Variants in RRN3 observed in about 807,000 individuals in gnomAD.
The protein encoded by RRN3 is RNA polymerase I-specific transcription initiation factor RRN3.
In RRN3, 38 loss-of-function variants were observed where a neutral mutation model predicts 82.3. The observed-to-expected ratio is 0.46, with a 90% CI of 0.36 to 0.61. The LOEUF is 0.61. Among genes scored for constraint, RRN3 ranks in the 20% least tolerant of loss-of-function variants. RRN3 has a pLI of 0.00. For missense variants in RRN3, 726 were observed against 793.1 expected, an observed-to-expected ratio of 0.92 and a Z score of 1.02; for synonymous variants, 284 against 284.3, an observed-to-expected ratio of 1.00 and a Z score of 0.01.
At position 15,071,247 on chromosome 16, in the gene RRN3, A is replaced by G; in HGVS notation, c.1133T>C (p.Phe378Ser). 1.9e-6 allele frequency: 3 copies of G among 1,607,428 alleles called. No individual in the cohort carries two copies. The highest frequency in any genetic ancestry group is 2.5e-6 in the Non-Finnish European group (3 of 1,178,298). ...GAGATGTTCCAAAAATGCCTCTGCGAATCCCTATAAAAAGAGAGGGCGTCG... is the reference window on the plus strand; with the variant it reads ...GAGATGTTCCAAAAATGCCTCTGCGGATCCCTATAAAAAGAGAGGGCGTCG... ...MFYLCSFKLG[F>S]AEAFLEHLWK... Residue 378 changes from phenylalanine to serine, a missense_variant, in exon 13 of 18, where the codon TTC (phenylalanine) becomes TCC (serine). Phe to Ser is a radical substitution (Grantham distance 155). Transcript: ENST00000198767.
intron 12 of RRN3, among the ~76,000 whole-genome samples, chr16:15,072,375 A>G (rs11075255): frequency 0.5 from 76,501 of 151,966 alleles, 21,490 homozygotes; most frequent in Admixed American, 0.64. Flanking sequence ...ACAGTTAATT[A>G]CCCCATATGA....
intron 16 of RRN3, among the ~76,000 whole-genome samples, chr16:15,063,590 C>A (rs2044812985): frequency 6.6e-6 from 1 of 151,646 alleles, no homozygotes; most frequent in Non-Finnish European, 1.5e-5. Context: ...CACCTGTAGT[C>A]CCAGCTACTC....
chr16:15,084,759 A>G, intron 6 of RRN3, 54 bp from the exon 7 acceptor site: 1 of 1,231,810 alleles, frequency 8.1e-7, no homozygotes, highest in African/African-American at 1.5e-5. Context: ...GAAGGGCGAC[A>G]CGCTTGAAGC....
Position 15,060,104 on chromosome 16 carries a change from C to T in RRN3, c.*1640G>A, listed in dbSNP as rs2044658937. On this transcript the variant is annotated 3_prime_UTR_variant, in exon 18 of 18. Coordinates refer to ENST00000198767, the MANE Select transcript of RRN3 (RefSeq NM_018427.5). The stretch of plus-strand genomic sequence containing the variant: ...AACCATGTCATTGTTTCATTTTCAC[C>T]ATGGATTTTTTTTCACAAACTCCTT... 1 of 335,322 alleles carries T rather than the reference C, an allele frequency of 3.0e-6. No individual in the cohort carries two copies. The highest frequency in any genetic ancestry group is 2.2e-5 in the African/African-American group (1 of 45,254). The allele number at this position is 335,322 out of a possible 1,614,324, so 20.8% of individuals were successfully genotyped here. A position where few individuals can be genotyped will look rare whatever the true frequency, so the allele number is the denominator to read the frequency against.
intron 11 of RRN3, 53 bp downstream of exon 11, chr16:15,074,670 A>T (rs1378179546): frequency 7.0e-7 from 1 of 1,429,928 alleles, no homozygotes; most frequent in Non-Finnish European, 9.6e-7. Flanking sequence ...AATGCCCAGC[A>T]CAAAGCCAGG....
At chr16:15,076,978 CACTTTTT>C (rs1428818980) in intron 9 of RRN3, among the ~76,000 whole-genome samples, 1 of 80,012 alleles carries the variant, frequency 1.2e-5, no homozygotes, top group Non-Finnish European at 3.3e-5. Context: ...CCACCCAAAT[CACTTTTT>C]TTTTTTTTTT....
chr16:15,062,991 G>A (rs1461998497), intron 17 of RRN3, among the ~76,000 whole-genome samples: 1 of 152,148 alleles, frequency 6.6e-6, no homozygotes, highest in East Asian at 1.9e-4. Flanking sequence ...TTACAGGTGT[G>A]CACCACCACG....
chr16:15,063,899 C>A (rs1216428139), intron 16 of RRN3, among the ~76,000 whole-genome samples: 2 of 151,992 alleles, frequency 1.3e-5, no homozygotes, highest in African/African-American at 2.4e-5. Context: ...CAGTTAGATA[C>A]AGTATATCCA....
At chr16:15,063,368 A>T (rs1345170020) in intron 16 of RRN3, 85 bp from the exon 17 acceptor site, 1 of 1,010,614 alleles carries the variant, frequency 9.9e-7, no homozygotes, top group East Asian at 2.4e-5. Context: ...CACAAGATCT[A>T]TTACCCAAAA....
chr16:15,084,404 C>G (rs1385082387), intron 7 of RRN3, among the ~76,000 whole-genome samples: 1 of 152,028 alleles, frequency 6.6e-6, no homozygotes, highest in Non-Finnish European at 1.5e-5. Flanking sequence ...AGCAAAATTC[C>G]AACCACCATA....
At position 15,061,694 on chromosome 16, in the gene RRN3, C is replaced by T. The variant is rs762928981; in HGVS notation, c.*50G>A. Reference sequence around the variant, plus strand: ...CACAAGCTGGGTGCTGAGGGCATGACAAGTGATGGGGAATCCCAAATGTCA... The same window carrying T: ...CACAAGCTGGGTGCTGAGGGCATGATAAGTGATGGGGAATCCCAAATGTCA... On this transcript the variant is annotated 3_prime_UTR_variant, in exon 18 of 18. Transcript: ENST00000198767. 7.7e-6 allele frequency: 12 copies of T among 1,567,278 alleles called. No individual in the cohort carries two copies. Among genetic ancestry groups the T allele is most frequent in the Middle Eastern group, 2.1e-4 (1 of 4,714 alleles).
At chr16:15,071,411 T>A (rs1332497731) in intron 12 of RRN3, among the ~76,000 whole-genome samples, 160 bp from the exon 13 acceptor site, 5 of 152,178 alleles carry the variant, frequency 3.3e-5, no homozygotes, top group Non-Finnish European at 7.4e-5. Flanking sequence ...AGAATATCAT[T>A]AAAAACAAAA....
At chr16:15,082,516 C>T (rs1261140997) in intron 8 of RRN3, among the ~76,000 whole-genome samples, 1 of 151,958 alleles carries the variant, frequency 6.6e-6, no homozygotes, top group Admixed American at 6.6e-5. Flanking sequence ...CTACCAAAAA[C>T]ACAAAAATTA....
chr16:15,065,913 G>A (rs2044949779), intron 15 of RRN3, among the ~76,000 whole-genome samples: 1 of 152,204 alleles, frequency 6.6e-6, no homozygotes, highest in Non-Finnish European at 1.5e-5. Flanking sequence ...GCACAGAAAG[G>A]ACTAGGCATG....
Position 15,071,263 on chromosome 16 carries a change from G to T in RRN3, c.1129-12C>A, listed in dbSNP as rs1266110110. On this transcript the variant is annotated splice_polypyrimidine_tract_variant and intron_variant, in intron 12 of 17. Coordinates refer to ENST00000198767, the MANE Select transcript of RRN3 (RefSeq NM_018427.5). ...GCCTCTGCGAATCCCTATAAAAAGA[G>T]AGGGCGTCGGTGTGATCTTTTTTAA... 3 of 1,597,762 alleles carry T rather than the reference G, an allele frequency of 1.9e-6. No individual in the cohort carries two copies. The East Asian group carries it at 6.7e-5, about 36-fold the overall frequency.
intron 8 of RRN3, among the ~76,000 whole-genome samples, chr16:15,081,537 C>T (rs1398863133): frequency 6.6e-6 from 1 of 152,108 alleles, no homozygotes; most frequent in Non-Finnish European, 1.5e-5. Flanking sequence ...GCTATTTGCC[C>T]TTTTATTATT....
chr16:15,089,166 A>G (rs1179778939), intron 3 of RRN3, among the ~76,000 whole-genome samples: 3 of 151,986 alleles, frequency 2.0e-5, no homozygotes, highest in East Asian at 1.9e-4. Context: ...TTAGCTGGGC[A>G]TGGTGGCACA....
At chr16:15,074,403 A>C (rs955077359) in intron 11 of RRN3, among the ~76,000 whole-genome samples, 1 of 152,196 alleles carries the variant, frequency 6.6e-6, no homozygotes, top group Non-Finnish European at 1.5e-5. Flanking sequence ...ACCATATATT[A>C]GTGCACCCTA....
In RRN3 at chr16:15,094,140, C is replaced by T. The variant is rs767907926; in HGVS notation, c.89+5G>A. ...ATACGCAGAAGGAAGCGGCCTGAAT[C>T]TTACCCAGTCCTCGACGCGCCCAGC... On this transcript the variant is annotated splice_donor_5th_base_variant and intron_variant, in intron 1 of 17. Coordinates refer to ENST00000198767, the MANE Select transcript of RRN3 (RefSeq NM_018427.5). 6.1e-5 allele frequency: 97 copies of T among 1,593,160 alleles called. No homozygotes were observed. The highest frequency in any genetic ancestry group is 8.0e-5 in the Non-Finnish European group (93 of 1,169,630).
Sources: gnomAD v4.1 joint callset for allele counts (sites outside exome capture counted in the v4.1 genomes callset) on GRCh38, gnomAD v4.1.1 for gene constraint, MANE v1.5 for transcripts, NCBI Gene and HGNC (gene_info 2026-07-23, HGNC 2026-07-21) for gene names.